TLE1: variants seen among roughly 807,000 people sequenced by gnomAD.
TLE1 encodes the protein transducin-like enhancer protein 1.
A neutral mutation model predicts 89.8 loss-of-function variants in TLE1; 21 were observed. The ratio of observed to expected loss-of-function variants is 0.23; its 90% confidence interval spans 0.17 to 0.34. The LOEUF is 0.34. Among genes scored for constraint, TLE1 ranks in the 10% least tolerant of loss-of-function variants. The pLI is 1.00. For synonymous variants in TLE1, 447 were observed against 407.6 expected, an observed-to-expected ratio of 1.10 and a Z score of -1.16; for missense variants, 795 against 1,031.2, an observed-to-expected ratio of 0.77 and a Z score of 3.14.
At chr9:81,639,983 T>C (rs1392474031) in intron 6 of TLE1, among the ~76,000 whole-genome samples, 1 of 152,114 alleles carries the variant, frequency 6.6e-6, no homozygotes, top group Non-Finnish European at 1.5e-5. Context: ...GCAGAACCAA[T>C]TTTGACACCC....
chr9:81,586,573 G>A (rs1308681683), intron 17 of TLE1, among the ~76,000 whole-genome samples: 1 of 152,166 alleles, frequency 6.6e-6, no homozygotes, highest in African/African-American at 2.4e-5. Context: ...AGGTTATATG[G>A]TGCATGGCTG....
chr9:81,652,554 T>G (rs1258766547), intron 5 of TLE1, among the ~76,000 whole-genome samples: 1 of 152,048 alleles, frequency 6.6e-6, no homozygotes, highest in Non-Finnish European at 1.5e-5. Context: ...AAAAAGGACA[T>G]AAAGAATGAT....
chr9:81,626,826 TC>T (rs757926502), intron 8 of TLE1, among the ~76,000 whole-genome samples: 21 of 152,150 alleles, frequency 1.4e-4, no homozygotes, highest in Non-Finnish European at 2.8e-4. Context: ...AGCTGGCCCT[TC>T]TACCCTCCTC....
At chr9:81,659,680 G>A (rs1265796062) in intron 4 of TLE1, among the ~76,000 whole-genome samples, 1 of 152,046 alleles carries the variant, frequency 6.6e-6, no homozygotes, top group African/African-American at 2.4e-5. Flanking sequence ...TTTGCATATG[G>A]TAATACAGTT....
intron 4 of TLE1, among the ~76,000 whole-genome samples, chr9:81,676,421 C>T (rs1832915324): frequency 6.6e-6 from 1 of 152,150 alleles, no homozygotes; most frequent in Admixed American, 6.6e-5. Flanking sequence ...TTGAAGTAAA[C>T]AGGTGGTGGT....
intron 14 of TLE1, among the ~76,000 whole-genome samples, chr9:81,606,510 C>T (rs1339478077): frequency 6.6e-6 from 1 of 152,056 alleles, no homozygotes; most frequent in East Asian, 1.9e-4. Context: ...TCTCAGCAAA[C>T]TATCACAAGC....
intron 15 of TLE1, 140 bp from the exon 16 acceptor site, chr9:81,591,192 G>A: frequency 8.5e-7 from 1 of 1,174,910 alleles, no homozygotes. Context: ...CTCTAGTCAA[G>A]ATTGGGGTCC....
At chr9:81,680,330 G>C (rs750196333) in intron 4 of TLE1, among the ~76,000 whole-genome samples, 28 of 152,180 alleles carry the variant, frequency 1.8e-4, no homozygotes, top group Non-Finnish European at 4.0e-4. Flanking sequence ...CAGAAAGAGG[G>C]GGAGGCAAGG....
chr9:81,595,925 T>A (rs951067495), intron 14 of TLE1, among the ~76,000 whole-genome samples: 1 of 151,982 alleles, frequency 6.6e-6, no homozygotes, highest in Non-Finnish European at 1.5e-5. Flanking sequence ...CTCGGTGCCA[T>A]GAGAGAAATT....
At chr9:81,614,379 C>CA (rs1459981263) in intron 11 of TLE1, among the ~76,000 whole-genome samples, 2 of 152,242 alleles carry the variant, frequency 1.3e-5, no homozygotes, top group East Asian at 3.9e-4. Context: ...CCTACATAAC[C>CA]AAAGTGGACC....
chr9:81,584,413 C>A lies in TLE1; in HGVS notation c.2205+35G>T. On this transcript the variant is annotated intron_variant, in intron 19 of 19. Coordinates refer to ENST00000376499, the MANE Select transcript of TLE1 (RefSeq NM_005077.5). ...CTGGCTTCAGAGGCGACACTGTGGT[C>A]AAACTGTGGATCTAGGTGAGGAGTA... 3 of 1,613,232 alleles carry A rather than the reference C, an allele frequency of 1.9e-6. No homozygotes were observed. The South Asian group carries it at 3.3e-5, about 18-fold the overall frequency.
chr9:81,601,544 G>A (rs1172228728), intron 14 of TLE1, among the ~76,000 whole-genome samples: 1 of 151,438 alleles, frequency 6.6e-6, no homozygotes, highest in South Asian at 2.1e-4. Context: ...AATATATAAG[G>A]CAGGTAGAGC....
chr9:81,626,007 C>T (rs933501500), intron 8 of TLE1, among the ~76,000 whole-genome samples: 1 of 151,186 alleles, frequency 6.6e-6, no homozygotes, highest in African/African-American at 2.4e-5. Context: ...ATCCTAAGAC[C>T]TCCAAGCAAC....
Position 81,636,846 on chromosome 9 carries a change from TACA to T in TLE1, c.373-2548_373-2546del, listed in dbSNP as rs575543685. On this transcript the variant is annotated intron_variant, in intron 6 of 19. Transcript: ENST00000376499. Reference sequence around the variant, plus strand: ...GGTGAAACCCCGTCTCTACTAAAAATACAACAATAAGCCAGGTGTGGTGGCGGA... The same window carrying T: ...GGTGAAACCCCGTCTCTACTAAAAATACAATAAGCCAGGTGTGGTGGCGGA... Among the ~76,000 whole-genome samples, 27 of 151,134 alleles carry T rather than the reference TACA, an allele frequency of 1.8e-4. 1 individual carries two copies. In the South Asian group the frequency reaches 5.7e-3, roughly 32 times the overall value.
At chr9:81,682,377 G>A (rs1295662496) in intron 4 of TLE1, among the ~76,000 whole-genome samples, 4 of 152,126 alleles carry the variant, frequency 2.6e-5, no homozygotes, top group South Asian at 4.1e-4. Context: ...ACAGCTGTAG[G>A]CAGAGCAAAA....
chr9:81,680,178 G>A (rs770411615), intron 4 of TLE1, among the ~76,000 whole-genome samples: 5 of 152,150 alleles, frequency 3.3e-5, no homozygotes, highest in Non-Finnish European at 7.3e-5. Context: ...ATACAGAGAG[G>A]GGAACTGAAG....
intron 8 of TLE1, among the ~76,000 whole-genome samples, chr9:81,629,687 G>A (rs975650125): frequency 4.6e-5 from 7 of 152,178 alleles, no homozygotes; most frequent in Admixed American, 6.5e-5. Context: ...ACACACCTAG[G>A]CTACTGCTCC....
intron 11 of TLE1, among the ~76,000 whole-genome samples, chr9:81,614,693 G>A (rs1824187337): frequency 6.6e-6 from 1 of 152,112 alleles, no homozygotes; most frequent in Non-Finnish European, 1.5e-5. Flanking sequence ...ATTGTTAAAA[G>A]ATGATGCAGT....
At chr9:81,607,483 C>T (rs1831846773) in intron 14 of TLE1, among the ~76,000 whole-genome samples, 1 of 152,206 alleles carries the variant, frequency 6.6e-6, no homozygotes, top group South Asian at 2.1e-4. Flanking sequence ...GGGGGCTTAG[C>T]AGCTGAACAC....
Sources: allele counts gnomAD v4.1 joint callset (sites outside exome capture counted in the v4.1 genomes callset), GRCh38; gene constraint gnomAD v4.1.1; transcripts MANE v1.5; gene names NCBI Gene and HGNC (gene_info 2026-07-23, HGNC 2026-07-21).